Variants in RAB40B observed in about 807,000 individuals in gnomAD.
RAB40B encodes ras-related protein Rab-40B.
Under a neutral mutation model 24.0 loss-of-function variants are expected in RAB40B, and 21 were observed. That is an observed-to-expected ratio of 0.88 (90% confidence interval 0.62 to 1.26). The LOEUF (loss-of-function observed/expected upper bound fraction) is 1.26. RAB40B is among the 50% of genes most tolerant of loss of function. RAB40B has a pLI of 0.00. For synonymous variants in RAB40B, 167 were observed against 169.8 expected, an observed-to-expected ratio of 0.98 and a Z score of 0.13; for missense variants, 348 against 390.5, an observed-to-expected ratio of 0.89 and a Z score of 0.92.
At chr17:82,690,453 C>A (rs1244342330) in intron 1 of RAB40B, among the ~76,000 whole-genome samples, 5 of 127,268 alleles carry the variant, frequency 3.9e-5, no homozygotes. Context: ...AGAAGATCTG[C>A]AGAATTGGAG....
chr17:82,680,166 G>C (rs952449457), intron 1 of RAB40B, among the ~76,000 whole-genome samples: 10 of 152,214 alleles, frequency 6.6e-5, no homozygotes, highest in Non-Finnish European at 1.3e-4. Flanking sequence ...AGGCGGGCCC[G>C]GGCTCTCAGG....
chr17:82,659,188 T>C (rs1568028462), intron 4 of RAB40B: 1 of 281,036 alleles, frequency 3.6e-6, no homozygotes, highest in Non-Finnish European at 6.8e-6. Context: ...ACTCATACAG[T>C]GGGCTTAGTG....
chr17:82,665,765 G>T (rs906358602), intron 1 of RAB40B, among the ~76,000 whole-genome samples: 15 of 151,982 alleles, frequency 9.9e-5, no homozygotes, highest in Non-Finnish European at 1.9e-4. Flanking sequence ...TAGTAGGGAG[G>T]CTGAGGCAGG....
intron 1 of RAB40B, among the ~76,000 whole-genome samples, chr17:82,698,040 G>A (rs973017326): frequency 1.3e-5 from 2 of 151,262 alleles, no homozygotes; most frequent in Non-Finnish European, 3.0e-5. Flanking sequence ...CTGCCCCGCG[G>A]CCGAACGCGC....
intron 4 of RAB40B, 92 bp from the exon 5 acceptor site, chr17:82,658,805 C>A (rs2046122757): frequency 1.7e-6 from 2 of 1,173,888 alleles, no homozygotes; most frequent in Admixed American, 2.6e-5. Flanking sequence ...AGGAACCCCC[C>A]ACGAGTTCAT....
In RAB40B at chr17:82,667,009, C is replaced by T. The variant is rs891007928; in HGVS notation, c.143-2453G>A. 5.8e-4 allele frequency among the ~76,000 whole-genome samples: 89 copies of T among 152,184 alleles called. No individual in the cohort carries two copies. The highest frequency in any genetic ancestry group is 1.0e-3 in the Non-Finnish European group (70 of 68,030). The stretch of plus-strand genomic sequence containing the variant: ...GCTGAGAGGCCGAGGGGAGAAGCAG[C>T]GCCGAGGCTCGCACCAGACCTCACC... On this transcript the variant is annotated intron_variant, in intron 1 of 5. Transcript: ENST00000571995. The surrounding 1 kb of genome is among the most constrained non-coding windows in gnomAD (Gnocchi z 4.3).
intron 1 of RAB40B, among the ~76,000 whole-genome samples, chr17:82,687,916 A>G (rs1193585823): frequency 6.6e-6 from 1 of 152,180 alleles, no homozygotes; most frequent in Admixed American, 6.5e-5. Flanking sequence ...TACTAAAAAT[A>G]AAATAATTAG....
intron 2 of RAB40B, chr17:82,661,401 G>C (rs762735629): frequency 6.3e-6 from 3 of 473,840 alleles, no homozygotes; most frequent in Non-Finnish European, 8.5e-6. Context: ...CCAGGGGAGA[G>C]AGGCCGGTGG....
chr17:82,667,015 G>T lies in RAB40B; in HGVS notation c.143-2459C>A, dbSNP rs2046266195. Among the ~76,000 whole-genome samples, 1 of 152,218 alleles carries T rather than the reference G, an allele frequency of 6.6e-6. No homozygotes were observed. Among genetic ancestry groups the T allele is most frequent in the Non-Finnish European group, 1.5e-5 (1 of 68,036 alleles). The stretch of plus-strand genomic sequence containing the variant: ...AGGCCGAGGGGAGAAGCAGCGCCGA[G>T]GCTCGCACCAGACCTCACCCTGGAG... On this transcript the variant is annotated intron_variant, in intron 1 of 5. Transcript: ENST00000571995. This position sits in a 1 kb window ranked among gnomAD's most constrained non-coding sequence, Gnocchi z 4.3.
At position 82,663,911 on chromosome 17, in the gene RAB40B, G is replaced by A. The variant is rs1296179884; in HGVS notation, c.203+585C>T. Among the ~76,000 whole-genome samples the A allele has an allele frequency of 2.6e-5, 4 of 152,176 alleles. No homozygotes were observed. The highest frequency in any genetic ancestry group is 4.4e-5 in the Non-Finnish European group (3 of 68,022). On this transcript the variant is annotated intron_variant, in intron 2 of 5. Coordinates refer to ENST00000571995, the MANE Select transcript of RAB40B (RefSeq NM_006822.3). This position sits in a 1 kb window ranked among gnomAD's most constrained non-coding sequence, Gnocchi z 6.2. ...CTGGATGACGGGGGCCCAGACAACCGGACCACCACCTCCTTCAGAGAAGCC... is the reference window on the plus strand; with the variant it reads ...CTGGATGACGGGGGCCCAGACAACCAGACCACCACCTCCTTCAGAGAAGCC...
chr17:82,664,790 G>A lies in RAB40B; in HGVS notation c.143-234C>T, dbSNP rs561983462. On this transcript the variant is annotated intron_variant, in intron 1 of 5. Transcript: ENST00000571995. The stretch of plus-strand genomic sequence containing the variant: ...CTTGGCCTCTGTGGGGGTCAGGCTC[G>A]CATCACCCTGGCCCAGGGGGCTCCC... 93 of 497,926 alleles carry A rather than the reference G, an allele frequency of 1.9e-4. 2 individuals carry two copies. The Middle Eastern group carries it at 3.6e-3, about 19-fold the overall frequency. The allele number at this position is 497,926 out of a possible 1,614,324, so 30.8% of individuals were successfully genotyped here. A position where few individuals can be genotyped will look rare whatever the true frequency, so the allele number is the denominator to read the frequency against.
At chr17:82,691,677 A>G (rs767087358) in intron 1 of RAB40B, among the ~76,000 whole-genome samples, 5 of 152,112 alleles carry the variant, frequency 3.3e-5, no homozygotes, top group African/African-American at 4.8e-5. Flanking sequence ...GCGAGACTCC[A>G]TCTCAAAAAA....
rs1416226821 is a variant in RAB40B at position 82,682,111 on chromosome 17, A to G, written c.142+16344T>C. 9.2e-5 allele frequency among the ~76,000 whole-genome samples: 7 copies of G among 76,114 alleles called. No individual in the cohort carries two copies. The Admixed American group carries it at 1.3e-3, about 15-fold the overall frequency. 49.9% of individuals were successfully genotyped at this position (76,114 alleles called of 152,430 possible). On this transcript the variant is annotated intron_variant, in intron 1 of 5. Coordinates refer to ENST00000571995, the MANE Select transcript of RAB40B (RefSeq NM_006822.3). Reference sequence around the variant, plus strand: ...TACCAGATGACATTACTATACACACACACACGCATGCACACACACACACAC... The same window carrying G: ...TACCAGATGACATTACTATACACACGCACACGCATGCACACACACACACAC...
chr17:82,677,022 C>T (rs1568039402), intron 1 of RAB40B, among the ~76,000 whole-genome samples: 1 of 151,892 alleles, frequency 6.6e-6, no homozygotes, highest in Non-Finnish European at 1.5e-5. Context: ...GATCTCGGCT[C>T]ACCGCAAGCT....
rs1489104904 is a variant in RAB40B at position 82,675,439 on chromosome 17, T to C, written c.143-10883A>G. 6.6e-6 allele frequency among the ~76,000 whole-genome samples: 1 copy of C among 152,218 alleles called. No individual in the cohort carries two copies. The highest frequency in any genetic ancestry group is 1.5e-5 in the Non-Finnish European group (1 of 68,036). On this transcript the variant is annotated intron_variant, in intron 1 of 5. Transcript: ENST00000571995. This position sits in a 1 kb window ranked among gnomAD's most constrained non-coding sequence, Gnocchi z 4.5. Reference sequence around the variant, plus strand: ...CAGCACTTGGCCCTTCTCCCGAATCTATTCTGCTCCCGTGGATGGCACTCC... The same window carrying C: ...CAGCACTTGGCCCTTCTCCCGAATCCATTCTGCTCCCGTGGATGGCACTCC...
At position 82,658,107 on chromosome 17, in the gene RAB40B, C is replaced by T. The variant is rs1407483597; in HGVS notation, c.593G>A (p.Arg198Gln). 1.3e-5 allele frequency: 21 copies of T among 1,614,084 alleles called. No individual in the cohort carries two copies. Among genetic ancestry groups the T allele is most frequent in the South Asian group, 3.3e-5 (3 of 91,080 alleles). ...KVLSLQDLCC[R>Q]AVVSCTPVHL... The stretch of plus-strand genomic sequence containing the variant: ...CACCGGCGTGCAGGACACGACCGCC[C>T]GGCAGCAGAGGTCTTGCAAGCTCAG... Residue 198 changes from arginine to glutamine, a missense_variant, in exon 6 of 6, where the codon CGG becomes CAG. Transcript: ENST00000571995.
In RAB40B at chr17:82,688,411, G is replaced by A. The variant is rs1473285582; in HGVS notation, c.142+10044C>T. 4.6e-5 allele frequency among the ~76,000 whole-genome samples: 7 copies of A among 151,120 alleles called. No individual in the cohort carries two copies. The East Asian group carries it at 1.2e-3, about 26-fold the overall frequency. Reference sequence around the variant, plus strand: ...GGGTAGATCACGAGGTCAGGAGTTCGAGACCAGCCTGACCAACATGGTGAA... The same window carrying A: ...GGGTAGATCACGAGGTCAGGAGTTCAAGACCAGCCTGACCAACATGGTGAA... On this transcript the variant is annotated intron_variant, in intron 1 of 5. Coordinates refer to ENST00000571995, the MANE Select transcript of RAB40B (RefSeq NM_006822.3).
At chr17:82,661,813 G>T in intron 2 of RAB40B, 1 of 633,204 alleles carries the variant, frequency 1.6e-6, no homozygotes, top group Non-Finnish European at 2.0e-6. Flanking sequence ...TTTGAGCCCG[G>T]CAGGCGGAGG....
At chr17:82,698,349 G>A (rs1391818669) in intron 1 of RAB40B, 106 bp downstream of exon 1, 1 of 331,014 alleles carries the variant, frequency 3.0e-6, no homozygotes, top group Non-Finnish European at 3.9e-6. Flanking sequence ...ACCCCTGCCC[G>A]GTCTCGCGTC....
Sources: allele counts gnomAD v4.1 joint callset (sites outside exome capture counted in the v4.1 genomes callset), GRCh38; gene constraint gnomAD v4.1.1; non-coding constraint Gnocchi (gnomAD v3.1); transcripts MANE v1.5; gene names NCBI Gene and HGNC (gene_info 2026-07-23, HGNC 2026-07-21).